The following TTLL8 variants were observed in gnomAD, a reference collection of about 807,000 sequenced individuals.
The protein encoded by TTLL8 is tubulin tyrosine ligase like 8.
In TTLL8, 65 loss-of-function variants were observed where a neutral mutation model predicts 77.8. That is an observed-to-expected ratio of 0.84 (90% CI 0.68 to 1.03). The LOEUF is 1.03. TTLL8 is among the 50% of genes least tolerant of loss of function. The pLI, the probability that TTLL8 is intolerant of heterozygous loss-of-function variation, is 0.00. For missense variants in TTLL8, 910 were observed against 1,004.5 expected (o/e 0.91, Z 1.27); for synonymous variants, 402 against 422.8 (o/e 0.95, Z 0.60).
upstream of TTLL8, among the ~76,000 whole-genome samples, chr22:50,055,655 C>CA (rs144375344): frequency 2.5e-3 from 281 of 110,420 alleles, no homozygotes; most frequent in East Asian, 0.024. Context: ...AACTCTGTCT[C>CA]AAAAAAAAAA....
At chr22:50,036,813 G>T (rs1601921825) in intron 8 of TTLL8, among the ~76,000 whole-genome samples, 1 of 151,968 alleles carries the variant, frequency 6.6e-6, no homozygotes, top group Non-Finnish European at 1.5e-5. Context: ...TGCCAGGCTG[G>T]TCTCAAACTC....
chr22:50,047,373 C>G, intron 3 of TTLL8, 77 bp from the exon 6 acceptor site: 1 of 1,226,568 alleles, frequency 8.2e-7, no homozygotes, highest in East Asian at 4.7e-5. Flanking sequence ...GTGAGGCAAC[C>G]ATCAGAGGAC....
intron 10 of TTLL8, 120 bp downstream of exon 11, chr22:50,033,082 G>A (rs922290048): frequency 1.4e-4 from 163 of 1,180,728 alleles, no homozygotes; most frequent in Middle Eastern, 6.8e-4. Flanking sequence ...TGTGCCTCTC[G>A]TGGTGGCAGG....
upstream of TTLL8, among the ~76,000 whole-genome samples, chr22:50,056,356 C>T (rs1302638490): frequency 6.6e-6 from 1 of 151,874 alleles, no homozygotes; most frequent in Non-Finnish European, 1.5e-5. The surrounding 1 kb of genome is among the most constrained non-coding windows in gnomAD (Gnocchi z 4.1). Flanking sequence ...AAACCACACA[C>T]CCGAGTGCCT....
intron 12 of TTLL8, among the ~76,000 whole-genome samples, chr22:50,028,411 A>G (rs949952011): frequency 8.5e-5 from 13 of 152,276 alleles, no homozygotes; most frequent in African/African-American, 2.6e-4. Flanking sequence ...GGCCTTCCTG[A>G]GTGATCCCCA....
At chr22:50,030,977 G>A in intron 11 of TTLL8, 52 bp from the exon 13 acceptor site, 3 of 1,288,968 alleles carry the variant, frequency 2.3e-6, no homozygotes, top group Admixed American at 2.3e-5. Flanking sequence ...GATAGGGGGG[G>A]TCCCTGCAGG....
chr22:50,028,697 CACCATCCT>C lies in TTLL8; in HGVS notation c.2203+1725_2203+1732del, dbSNP rs1569221282. ...ACACACACTCGTAAAGACCCCATCA[CACCATCCT>C]GAAGACCCCACACACCCTCGTAAAG... On this transcript the variant is annotated intron_variant, in intron 12 of 13. Transcript: ENST00000266182. 3.2e-4 allele frequency among the ~76,000 whole-genome samples: 16 copies of C among 49,302 alleles called. No homozygotes were observed. In the South Asian group the frequency reaches 3.8e-3, roughly 12 times the overall value. The allele number at this position is 49,302 out of a possible 152,430, so 32.3% of individuals were successfully genotyped here. A position where few individuals can be genotyped will look rare whatever the true frequency, so the allele number is the denominator to read the frequency against.
intron 12 of TTLL8, among the ~76,000 whole-genome samples, chr22:50,024,322 G>T (rs796396990): frequency 6.6e-6 from 1 of 151,736 alleles, no homozygotes; most frequent in Non-Finnish European, 1.5e-5. Context: ...TAGTAGTTTC[G>T]CCATGTTGGT....
exon 6 of TTLL8, chr22:50,045,359 A>C (rs1249773270): frequency 7.3e-7 from 1 of 1,366,142 alleles, no homozygotes. Flanking sequence ...CCACTTGAGG[A>C]TGCTGGATGC....
Position 50,020,712 on chromosome 22 carries a change from C to T in TTLL8, c.2204-4150G>A, listed in dbSNP as rs376282041. Among the ~76,000 whole-genome samples the T allele has an allele frequency of 7.0e-4, 105 of 150,174 alleles. 3 individuals carry two copies. The South Asian group carries it at 0.022, about 31-fold the overall frequency. On this transcript the variant is annotated intron_variant, in intron 12 of 13. Coordinates refer to ENST00000266182, the Ensembl canonical transcript of TTLL8. ...ACTCCTCCATCTGACATGTACTCCT[C>T]CATCTGACGATGTGCACTCCATCTG...
At chr22:50,053,886 G>A (rs574025655) in intron 1 of TTLL8, among the ~76,000 whole-genome samples, 5 of 152,090 alleles carry the variant, frequency 3.3e-5, no homozygotes, top group South Asian at 2.1e-4. Context: ...CTCTCCGTCC[G>A]GGTGTGTCCG....
intron 12 of TTLL8, among the ~76,000 whole-genome samples, chr22:50,024,420 C>T (rs753975253): frequency 4.6e-5 from 7 of 152,056 alleles, no homozygotes; most frequent in Non-Finnish European, 1.0e-4. Flanking sequence ...CCACCACTGT[C>T]GTATTTGAAA....
At position 50,045,927 on chromosome 22, in the gene TTLL8, G is replaced by A. The variant is rs370797929; in HGVS notation, c.437C>T (p.Pro146Leu). The change falls in exon 5 of 14, where the codon CCG becomes CTG. Residue 146 changes from proline (P) to leucine (L), a missense_variant. This residue lies in a region of TTLL8 where 776 missense variants were observed against 926.1 expected (regional missense o/e 0.84). Transcript: ENST00000266182. ...TGGGAAGAAGGAGTCGGGGTTGGCC[G>A]GGACGTACCAGGGCAGGCTCCGCAT... 23 of 1,361,618 alleles carry A rather than the reference G, an allele frequency of 1.7e-5. No individual in the cohort carries two copies. In the African/African-American group the frequency reaches 1.9e-4, roughly 11 times the overall value. 84.3% of individuals were successfully genotyped at this position (1,361,618 alleles called of 1,614,324 possible). A position where few individuals can be genotyped will look rare whatever the true frequency, so the allele number is the denominator to read the frequency against.
chr22:50,022,681 C>T (rs1487436935), intron 12 of TTLL8, among the ~76,000 whole-genome samples: 7 of 151,634 alleles, frequency 4.6e-5, no homozygotes, highest in Admixed American at 3.9e-4. Context: ...AACCCAGCAT[C>T]CCCTGTCACA....
chr22:50,057,788 G>T (rs1307271195), upstream of TTLL8, among the ~76,000 whole-genome samples: 3 of 151,026 alleles, frequency 2.0e-5, no homozygotes, highest in Admixed American at 6.6e-5. Context: ...GGTCTGGGTT[G>T]GGGGTGCAGG....
At chr22:50,030,698 C>A in exon 12 of TTLL8, 1 of 1,290,786 alleles carries the variant, frequency 7.7e-7, no homozygotes, top group East Asian at 4.9e-5. Flanking sequence ...CCAGGGGGAG[C>A]CCCTTCTCTT....
upstream of TTLL8, chr22:50,055,129 G>C: frequency 8.4e-7 from 1 of 1,195,850 alleles, no homozygotes; most frequent in Non-Finnish European, 1.1e-6. Flanking sequence ...GCTGCAGCTC[G>C]GGGGCACAGT....
At chr22:50,046,951 C>G (rs1488217183) in intron 4 of TTLL8, 6 of 489,426 alleles carry the variant, frequency 1.2e-5, no homozygotes, top group African/African-American at 2.1e-5. Context: ...TCTGGGGCCC[C>G]GGATTCACCC....
At chr22:50,027,699 C>T (rs892216852) in intron 12 of TTLL8, 4 of 985,330 alleles carry the variant, frequency 4.1e-6, no homozygotes, top group African/African-American at 1.7e-5. Flanking sequence ...CCTGTCGCCG[C>T]AGGCCTTTTG....
Sources: gnomAD v4.1 joint callset for allele counts (sites outside exome capture counted in the v4.1 genomes callset) on GRCh38, gnomAD v4.1.1 for gene constraint, gnomAD v4.1.1 regional missense constraint, Gnocchi (gnomAD v3.1) non-coding constraint, MANE v1.5 for transcripts, NCBI Gene and HGNC (gene_info 2026-07-23, HGNC 2026-07-21) for gene names.